The following RNF103 variants were observed in gnomAD, a reference collection of about 807,000 sequenced individuals.
RNF103 encodes the protein E3 ubiquitin-protein ligase RNF103.
Under a neutral mutation model 66.2 loss-of-function variants are expected in RNF103, and 23 were observed. The observed-to-expected ratio is 0.35, with a 90% CI of 0.25 to 0.49. RNF103 has a LOEUF of 0.49. RNF103 is among the 20% of genes least tolerant of loss of function. The pLI is 0.98. For missense variants in RNF103, 730 were observed against 814.7 expected, an observed-to-expected ratio of 0.90 and a Z score of 1.27; for synonymous variants, 297 against 289.9, an observed-to-expected ratio of 1.02 and a Z score of -0.25.
intron 2 of RNF103, chr2:86,617,402 G>A: frequency 1.5e-6 from 1 of 645,232 alleles, no homozygotes; most frequent in Non-Finnish European, 1.9e-6. Flanking sequence ...TAGATATTCG[G>A]AGAGAGAGAC....
chr2:86,619,856 T>C (rs911379924), intron 2 of RNF103, among the ~76,000 whole-genome samples: 2 of 152,256 alleles, frequency 1.3e-5, no homozygotes, highest in South Asian at 2.1e-4. Context: ...CCCCCACCAT[T>C]TTCCACAACA....
At chr2:86,622,405 C>T (rs1300189627) in intron 1 of RNF103, among the ~76,000 whole-genome samples, 4 of 152,156 alleles carry the variant, frequency 2.6e-5, no homozygotes, top group African/African-American at 7.2e-5. Flanking sequence ...TAGTAAACAA[C>T]GCTAAGAAGC....
intron 2 of RNF103, chr2:86,618,068 C>T (rs1240741209): frequency 6.7e-6 from 3 of 445,028 alleles, no homozygotes; most frequent in African/African-American, 2.0e-5. Flanking sequence ...AGAAAAACCA[C>T]AGAAATACAT....
chr2:86,608,486 C>CAAAA (rs1222638516), intron 3 of RNF103, among the ~76,000 whole-genome samples: 1 of 40,108 alleles, frequency 2.5e-5, no homozygotes, highest in Non-Finnish European at 5.8e-5. Flanking sequence ...GACTCCATCT[C>CAAAA]AAAAAAAAAA....
chr2:86,609,384 A>ATTTT (rs112431636), intron 3 of RNF103, among the ~76,000 whole-genome samples: 5,821 of 134,304 alleles, frequency 0.043, 504 homozygotes, highest in African/African-American at 0.15. Context: ...AGCCTCAGGT[A>ATTTT]TTTTTTTTTT....
In RNF103 at chr2:86,622,855, T is replaced by C; in HGVS notation, c.32A>G (p.Tyr11Cys). The C allele has an allele frequency of 6.2e-7, 1 of 1,612,692 alleles. No individual in the cohort carries two copies. Among genetic ancestry groups the C allele is most frequent in the East Asian group, 2.2e-5 (1 of 44,816 alleles). Residue 11 changes from tyrosine to cysteine, a missense_variant, in exon 1 of 4, where the codon TAT becomes TGT. By Grantham distance (194) the Tyr-to-Cys change is radical (BLOSUM62 -2). This residue lies in a region of RNF103 where 327 missense variants were observed against 369.8 expected (regional missense o/e 0.88). Coordinates refer to ENST00000237455, the MANE Select transcript of RNF103 (RefSeq NM_005667.4). MWLKLFFLLLYFLVLFVLARF... is the reference protein window; with the variant it reads MWLKLFFLLLCFLVLFVLARF... ...GGCCAGGACGAACAGGACCAGGAAA[T>C]AGAGGAGCAAGAAAAAAAGCTTCAG...
chr2:86,611,699 C>G (rs958966434), intron 3 of RNF103, among the ~76,000 whole-genome samples: 1 of 151,996 alleles, frequency 6.6e-6, no homozygotes, highest in African/African-American at 2.4e-5. Context: ...ATTTCAGATA[C>G]TAGGTTTCAG....
chr2:86,610,638 A>G (rs1678754268), intron 3 of RNF103, among the ~76,000 whole-genome samples: 1 of 152,222 alleles, frequency 6.6e-6, no homozygotes, highest in Non-Finnish European at 1.5e-5. Flanking sequence ...TTTATAAACT[A>G]TAATGTTTGA....
In RNF103 at chr2:86,620,421, GCTT is replaced by G. The variant is rs1461718771; in HGVS notation, c.272_274del (p.Glu91del). The stretch of plus-strand genomic sequence containing the variant: ...ATTGGTACTAGAAACCGATTCGGAT[GCTT>G]CTTCTTCCTTGAGAGCAGAATAGAG... On this transcript the variant is annotated inframe_deletion, in exon 2 of 4. Coordinates refer to ENST00000237455, the MANE Select transcript of RNF103 (RefSeq NM_005667.4). The G allele has an allele frequency of 3.7e-6, 6 of 1,605,976 alleles. No homozygotes were observed. Among genetic ancestry groups the G allele is most frequent in the South Asian group, 1.1e-5 (1 of 90,314 alleles).
intron 1 of RNF103, among the ~76,000 whole-genome samples, chr2:86,621,182 T>C (rs1165118212): frequency 6.6e-6 from 1 of 152,196 alleles, no homozygotes; most frequent in Admixed American, 6.5e-5. Flanking sequence ...ACCATGACTT[T>C]TCTGCCATAA....
chr2:86,620,209 G>A (rs1679173501), intron 2 of RNF103, 121 bp downstream of exon 2: 3 of 1,255,136 alleles, frequency 2.4e-6, no homozygotes, highest in South Asian at 2.5e-5. Flanking sequence ...TAAGAGAACT[G>A]AGTTATGTGT....
rs940608471 is a variant in RNF103, at chr2:86,623,681, G to A, written c.-795C>T. The A allele has an allele frequency of 3.2e-5, 38 of 1,194,230 alleles. No homozygotes were observed. In the Middle Eastern group the frequency reaches 1.7e-3, roughly 52 times the overall value. 74.0% of individuals were successfully genotyped at this position (1,194,230 alleles called of 1,614,324 possible). ...TCTCGGAGGGAAAAAACCAATAATA[G>A]GCCCCGAGACTGCTCCTCCAGGCGG... On this transcript the variant is annotated 5_prime_UTR_variant, in exon 1 of 4. Coordinates refer to ENST00000237455, the MANE Select transcript of RNF103 (RefSeq NM_005667.4).
rs1679314676 is a variant in RNF103 at position 86,623,400 on chromosome 2, TCAGGAGGGCGCGGCGCTCGGCCGGGC to T, written c.-540_-515del. ...GGGGCCGGACTCCCGCGGCCGCGGGTCAGGAGGGCGCGGCGCTCGGCCGGGCCAGGCCCGGGGCCCAGCGTGTTCTG... is the reference window on the plus strand; with the variant it reads ...GGGGCCGGACTCCCGCGGCCGCGGGTCAGGCCCGGGGCCCAGCGTGTTCTG... On this transcript the variant is annotated 5_prime_UTR_variant, in exon 1 of 4. Transcript: ENST00000237455. 1.0e-6 allele frequency: 1 copy of T among 973,624 alleles called. No individual in the cohort carries two copies. The highest frequency in any genetic ancestry group is 1.2e-6 in the Non-Finnish European group (1 of 821,820). The allele number at this position is 973,624 out of a possible 1,614,324, so 60.3% of individuals were successfully genotyped here.
At chr2:86,607,245 G>C (rs1341484548) in intron 3 of RNF103, among the ~76,000 whole-genome samples, 8 of 152,176 alleles carry the variant, frequency 5.3e-5, no homozygotes, top group Admixed American at 5.2e-4. Flanking sequence ...AAAAGTCATA[G>C]ATGTTATGCT....
intron 2 of RNF103, chr2:86,618,753 TA>T (rs1176386783): frequency 2.0e-5 from 3 of 152,186 alleles, no homozygotes; most frequent in East Asian, 1.9e-4. Flanking sequence ...TAATAAAATC[TA>T]AAATTATCAA....
At chr2:86,622,632 G>GGGGACCCTA (rs776731814) in intron 1 of RNF103, 29 bp downstream of exon 1, 17 of 1,611,242 alleles carry the variant, frequency 1.1e-5, no homozygotes, top group Non-Finnish European at 1.4e-5. Context: ...CCCAGGTGGA[G>GGGGACCCTA]GGGACCCTAG....
chr2:86,604,460 C>A lies in RNF103; in HGVS notation c.1441G>T (p.Asp481Tyr), dbSNP rs1480556156. 6.2e-7 allele frequency: 1 copy of A among 1,614,092 alleles called. No homozygotes were observed. Among genetic ancestry groups the A allele is most frequent in the Non-Finnish European group, 8.5e-7 (1 of 1,180,050 alleles). The change falls in exon 4 of 4, where the codon GAT (aspartate) becomes TAT (tyrosine). Residue 481 changes from aspartate to tyrosine, a missense_variant. Around this residue, in one of 3 missense-constraint regions of RNF103, gnomAD observed 355 missense variants for 351.9 expected, o/e 1.01. Coordinates refer to ENST00000237455, the MANE Select transcript of RNF103 (RefSeq NM_005667.4). ...ASFQNFPVES[D>Y]WDEDPDLFLE... ...AATAAGTCAGGGTCTTCGTCCCAAT[C>A]AGATTCTACAGGAAAGTTCTGAAAA...
At chr2:86,621,465 C>A (rs1047318612) in intron 1 of RNF103, among the ~76,000 whole-genome samples, 16 of 152,144 alleles carry the variant, frequency 1.1e-4, no homozygotes, top group Non-Finnish European at 2.4e-4. Context: ...AAATAAGAAT[C>A]GCCATAAACC....
intron 2 of RNF103, chr2:86,614,824 T>C (rs1678956224): frequency 1.0e-6 from 1 of 984,616 alleles, no homozygotes; most frequent in Non-Finnish European, 1.2e-6. Context: ...TACCATACTC[T>C]CTACTCTTTG....
Sources: gnomAD v4.1 joint callset for allele counts (sites outside exome capture counted in the v4.1 genomes callset) on GRCh38, gnomAD v4.1.1 for gene constraint, gnomAD v4.1.1 regional missense constraint, MANE v1.5 for transcripts, NCBI Gene and HGNC (gene_info 2026-07-23, HGNC 2026-07-21) for gene names.